MAF: variants seen among roughly 807,000 people sequenced by gnomAD.
MAF encodes transcription factor Maf.
Under a neutral mutation model 22.0 loss-of-function variants are expected in MAF, and 10 were observed. That is an observed-to-expected ratio of 0.45 (90% CI 0.28 to 0.77). The LOEUF is 0.77. Ranked by LOEUF, MAF falls within the 30% of genes least tolerant of loss-of-function variation. MAF has a pLI of 0.12. For missense variants in MAF, 544 were observed against 548.4 expected, an observed-to-expected ratio of 0.99 and a Z score of 0.08; for synonymous variants, 337 against 255.8, an observed-to-expected ratio of 1.32 and a Z score of -3.03.
the MAF span, among the ~76,000 whole-genome samples, chr16:79,573,865 G>C: frequency 2.0e-5 from 3 of 152,304 alleles, no homozygotes; most frequent in South Asian, 2.1e-4. Flanking sequence ...ACAAAGTTAA[G>C]AGAATAACTT....
the MAF span, among the ~76,000 whole-genome samples, chr16:79,377,289 AT>A: frequency 1.3e-5 from 2 of 152,088 alleles, no homozygotes. Context: ...GATGATCAGC[AT>A]TTTTTCATGT....
At chr16:79,515,356 C>T in the MAF span, among the ~76,000 whole-genome samples, 1 of 152,166 alleles carries the variant, frequency 6.6e-6, no homozygotes, top group African/African-American at 2.4e-5. Context: ...GTGAAAGTGA[C>T]ACACATTCAG....
At chr16:79,434,361 A>C in the MAF span, among the ~76,000 whole-genome samples, 1 of 152,230 alleles carries the variant, frequency 6.6e-6, no homozygotes, top group African/African-American at 2.4e-5. Flanking sequence ...CCTTAATTTT[A>C]AAGTTTGCCA....
the MAF span, among the ~76,000 whole-genome samples, chr16:79,290,608 A>G: frequency 6.6e-6 from 1 of 152,098 alleles, no homozygotes; most frequent in Non-Finnish European, 1.5e-5. Flanking sequence ...AAAAGTCACA[A>G]GATTTGGGCT....
At chr16:79,515,551 A>T in the MAF span, among the ~76,000 whole-genome samples, 4 of 152,340 alleles carry the variant, frequency 2.6e-5, no homozygotes, top group Admixed American at 6.5e-5. Flanking sequence ...CTAGGCTAGG[A>T]TGCTAGGTAG....
the MAF span, chr16:79,206,448 C>T: frequency 1.3e-5 from 2 of 152,202 alleles, no homozygotes; most frequent in East Asian, 1.9e-4. Flanking sequence ...AGGTAGGCTT[C>T]TCTCTAAATA....
At chr16:79,294,254 T>G in the MAF span, among the ~76,000 whole-genome samples, 1 of 152,362 alleles carries the variant, frequency 6.6e-6, no homozygotes, top group African/African-American at 2.4e-5. Context: ...TCCTTCCTCT[T>G]AGACTCTTGT....
the MAF span, among the ~76,000 whole-genome samples, chr16:79,475,009 C>T: frequency 6.6e-6 from 1 of 152,228 alleles, no homozygotes; most frequent in South Asian, 2.1e-4. Flanking sequence ...AGAAGATGTT[C>T]ATTCTGTCTA....
chr16:79,234,200 G>C, the MAF span, among the ~76,000 whole-genome samples: 1 of 151,936 alleles, frequency 6.6e-6, no homozygotes, highest in Non-Finnish European at 1.5e-5. Flanking sequence ...TTTTTTGGCA[G>C]AGACTGCCAA....
At chr16:79,359,327 G>A in the MAF span, among the ~76,000 whole-genome samples, 2 of 152,302 alleles carry the variant, frequency 1.3e-5, no homozygotes, top group African/African-American at 4.8e-5. Flanking sequence ...TTTTACAGAG[G>A]CGTTTGCTAA....
chr16:79,294,724 G>A, the MAF span, among the ~76,000 whole-genome samples: 2 of 152,214 alleles, frequency 1.3e-5, no homozygotes, highest in African/African-American at 4.8e-5. Context: ...AGAAGGAGGA[G>A]TCAAATGCAG....
At chr16:79,244,091 A>C in the MAF span, among the ~76,000 whole-genome samples, 1 of 152,096 alleles carries the variant, frequency 6.6e-6, no homozygotes, top group African/African-American at 2.4e-5. Flanking sequence ...TATTTATGAC[A>C]AATCCACAGC....
the MAF span, among the ~76,000 whole-genome samples, chr16:79,546,995 A>G: frequency 1.3e-5 from 2 of 152,174 alleles, no homozygotes; most frequent in Non-Finnish European, 2.9e-5. Context: ...ATGACAGAAC[A>G]TTTTAATTCA....
At chr16:79,203,341 C>T in the MAF span, 2 of 152,234 alleles carry the variant, frequency 1.3e-5, no homozygotes, top group Admixed American at 1.3e-4. Context: ...ACACACCTAA[C>T]TCAGACATGC....
chr16:79,220,166 G>C, the MAF span, among the ~76,000 whole-genome samples: 83 of 143,864 alleles, frequency 5.8e-4, 3 homozygotes, highest in East Asian at 4.6e-3. Context: ...TGAGGCAGGA[G>C]AATTGCTTGA....
chr16:79,217,347 G>T, the MAF span, among the ~76,000 whole-genome samples: 2 of 152,164 alleles, frequency 1.3e-5, no homozygotes, highest in Non-Finnish European at 2.9e-5. Flanking sequence ...TAGACTAGAA[G>T]CATATATACA....
At chr16:79,376,521 ATTTTT>A in the MAF span, among the ~76,000 whole-genome samples, 9 of 151,312 alleles carry the variant, frequency 5.9e-5, no homozygotes, top group Non-Finnish European at 1.3e-4. Context: ...ATTTTATTTT[ATTTTT>A]TTTCTTTTTT....
At chr16:79,480,265 G>A in the MAF span, among the ~76,000 whole-genome samples, 9 of 152,086 alleles carry the variant, frequency 5.9e-5, no homozygotes, top group East Asian at 1.9e-4. Context: ...ACACGTTGTC[G>A]GTTTCAATTA....
chr16:79,570,522 G>C, the MAF span, among the ~76,000 whole-genome samples: 1 of 152,138 alleles, frequency 6.6e-6, no homozygotes, highest in Non-Finnish European at 1.5e-5. Context: ...TGCTTAGTTT[G>C]TGCTTACCAC....
Sources: gnomAD v4.1 joint callset for allele counts (sites outside exome capture counted in the v4.1 genomes callset) on GRCh38, gnomAD v4.1.1 for gene constraint, MANE v1.5 for transcripts, NCBI Gene and HGNC (gene_info 2026-07-23, HGNC 2026-07-21) for gene names.